The following C12orf54 variants were observed in gnomAD, a reference collection of about 807,000 sequenced individuals.
C12orf54 encodes uncharacterized protein C12orf54.
C12orf54 carries 24 observed loss-of-function variants against 26.4 expected under a neutral mutation model. The observed-to-expected ratio is 0.91, with a 90% CI of 0.66 to 1.28. The LOEUF is 1.28. Among genes scored for constraint, C12orf54 ranks in the 50% most tolerant of loss-of-function variants. The pLI, the probability that C12orf54 is intolerant of heterozygous loss-of-function variation, is 0.00. For missense variants in C12orf54, 154 were observed against 150.9 expected, an observed-to-expected ratio of 1.02 and a Z score of -0.11; for synonymous variants, 54 against 47.0, an observed-to-expected ratio of 1.15 and a Z score of -0.61.
the C12orf54 span, among the ~76,000 whole-genome samples, chr12:48,470,221 C>A: frequency 6.6e-6 from 1 of 152,152 alleles, no homozygotes; most frequent in Non-Finnish European, 1.5e-5. Flanking sequence ...AGTAATGGAA[C>A]TGGTGGATCA....
At chr12:48,457,793 C>T in the C12orf54 span, among the ~76,000 whole-genome samples, 1 of 152,180 alleles carries the variant, frequency 6.6e-6, no homozygotes, top group African/African-American at 2.4e-5. Context: ...CACAATGACA[C>T]TGAAATTGTG....
chr12:48,423,958 T>C, the C12orf54 span, among the ~76,000 whole-genome samples: 1 of 152,116 alleles, frequency 6.6e-6, no homozygotes, highest in Non-Finnish European at 1.5e-5. Flanking sequence ...TTAAATATAA[T>C]GGTAGATGTT....
chr12:48,455,023 A>T, the C12orf54 span, among the ~76,000 whole-genome samples: 1 of 152,158 alleles, frequency 6.6e-6, no homozygotes, highest in Non-Finnish European at 1.5e-5. Flanking sequence ...ATTGCGTGTC[A>T]CTGGAGTTTG....
chr12:48,440,238 A>T, the C12orf54 span, among the ~76,000 whole-genome samples: 1 of 151,772 alleles, frequency 6.6e-6, no homozygotes, highest in Non-Finnish European at 1.5e-5. Flanking sequence ...AAAAAAAAAG[A>T]AAGTATTCTT....
the C12orf54 span, among the ~76,000 whole-genome samples, chr12:48,439,552 G>A: frequency 7.1e-3 from 1,083 of 152,282 alleles, 26 homozygotes; most frequent in Admixed American, 0.054. Context: ...TATACACCAT[G>A]GAATACTGTG....
chr12:48,419,659 A>G, the C12orf54 span, among the ~76,000 whole-genome samples: 10 of 152,294 alleles, frequency 6.6e-5, no homozygotes, highest in African/African-American at 2.2e-4. Context: ...AAGAAAGCAC[A>G]CAGCAAGGGA....
the C12orf54 span, among the ~76,000 whole-genome samples, chr12:48,426,356 GCTT>G: frequency 1.3e-5 from 2 of 151,874 alleles, no homozygotes; most frequent in Admixed American, 6.6e-5. Context: ...TTTCTCCATT[GCTT>G]CTTTTGTCAT....
intron 6 of C12orf54, 37 bp downstream of exon 6, chr12:48,490,873 CA>C: frequency 6.2e-7 from 1 of 1,605,836 alleles, no homozygotes; most frequent in Middle Eastern, 1.7e-4. Context: ...GAAAAGGAAA[CA>C]AGGGAGGGGA....
At chr12:48,465,698 T>C in the C12orf54 span, among the ~76,000 whole-genome samples, 3 of 151,996 alleles carry the variant, frequency 2.0e-5, no homozygotes, top group African/African-American at 7.2e-5. Context: ...ATAAAGAAAA[T>C]GTGGTACATA....
chr12:48,489,871 G>A (rs192523329), intron 5 of C12orf54, among the ~76,000 whole-genome samples: 1 of 152,044 alleles, frequency 6.6e-6, no homozygotes, highest in Admixed American at 6.6e-5. Flanking sequence ...ACAGGTATGT[G>A]CCACCACGCC....
the C12orf54 span, among the ~76,000 whole-genome samples, chr12:48,433,463 G>T: frequency 6.7e-5 from 10 of 149,346 alleles, 1 homozygote; most frequent in Non-Finnish European, 1.2e-4. Flanking sequence ...TTTGGGGGGG[G>T]GGGGGGCAGG....
chr12:48,473,195 G>C, the C12orf54 span: 1 of 1,359,460 alleles, frequency 7.4e-7, no homozygotes, highest in Non-Finnish European at 1.0e-6. Context: ...AGGATGAGGA[G>C]GAGTATGATG....
intron 7 of C12orf54, among the ~76,000 whole-genome samples, chr12:48,493,227 C>T (rs2137097534): frequency 6.6e-6 from 1 of 152,212 alleles, no homozygotes; most frequent in Non-Finnish European, 1.5e-5. Flanking sequence ...CAGAATCAGC[C>T]CTGAACCTCA....
At chr12:48,413,499 C>T in the C12orf54 span, among the ~76,000 whole-genome samples, 2 of 152,126 alleles carry the variant, frequency 1.3e-5, no homozygotes, top group Admixed American at 1.3e-4. Flanking sequence ...TTGAAATGTC[C>T]CTGGTAGAGA....
chr12:48,431,762 G>T, the C12orf54 span, among the ~76,000 whole-genome samples: 91 of 152,112 alleles, frequency 6.0e-4, 1 homozygote, highest in Admixed American at 7.2e-4. Flanking sequence ...TCTAGAATAG[G>T]CAAATCTATA....
intron 6 of C12orf54, 105 bp from the exon 7 acceptor site, chr12:48,492,842 C>A: frequency 9.9e-7 from 1 of 1,010,818 alleles, no homozygotes; most frequent in Non-Finnish European, 1.6e-6. Context: ...CAAGTCTGGA[C>A]CCTCCCACTT....
the C12orf54 span, among the ~76,000 whole-genome samples, chr12:48,433,125 G>A: frequency 6.6e-6 from 1 of 152,080 alleles, no homozygotes; most frequent in Non-Finnish European, 1.5e-5. Context: ...TAATATATCT[G>A]GCAAAATTTA....
chr12:48,484,549 G>GA (rs1360461010), intron 2 of C12orf54, among the ~76,000 whole-genome samples: 1 of 152,116 alleles, frequency 6.6e-6, no homozygotes, highest in Non-Finnish European at 1.5e-5. Context: ...AAGAACATTT[G>GA]AAAAAACTTA....
At chr12:48,470,011 A>G in the C12orf54 span, among the ~76,000 whole-genome samples, 7 of 152,218 alleles carry the variant, frequency 4.6e-5, no homozygotes, top group South Asian at 1.4e-3. Context: ...ACGTTGCTGC[A>G]AAGGACATGA....
Sources: gnomAD v4.1 joint callset for allele counts (sites outside exome capture counted in the v4.1 genomes callset) on GRCh38, gnomAD v4.1.1 for gene constraint, MANE v1.5 for transcripts, NCBI Gene and HGNC (gene_info 2026-07-23, HGNC 2026-07-21) for gene names.